Variants in ANKRD50 observed in about 807,000 individuals in gnomAD.
ANKRD50 encodes the protein ankyrin repeat domain 50.
In ANKRD50, 40 loss-of-function variants were observed where a neutral mutation model predicts 112.0. The ratio of observed to expected loss-of-function variants is 0.36; its 90% confidence interval spans 0.28 to 0.46. ANKRD50 has a LOEUF of 0.46. ANKRD50 is among the 20% of genes least tolerant of loss of function. ANKRD50 has a pLI of 1.00. For synonymous variants in ANKRD50, 613 were observed against 619.1 expected, an observed-to-expected ratio of 0.99 and a Z score of 0.15; for missense variants, 1,487 against 1,701.7, an observed-to-expected ratio of 0.87 and a Z score of 2.22.
At chr4:124,690,616 T>G (rs1305012872) in intron 2 of ANKRD50, among the ~76,000 whole-genome samples, 1 of 152,190 alleles carries the variant, frequency 6.6e-6, no homozygotes, top group Non-Finnish European at 1.5e-5. Context: ...CTTTACAAAT[T>G]AAAGTGTTAC....
intron 2 of ANKRD50, among the ~76,000 whole-genome samples, chr4:124,704,789 T>C (rs1357316489): frequency 6.6e-6 from 1 of 152,140 alleles, no homozygotes; most frequent in African/African-American, 2.4e-5. Context: ...TAACAAAAGA[T>C]ATATACATAA....
chr4:124,683,862 T>C (rs1160643929), intron 2 of ANKRD50, among the ~76,000 whole-genome samples: 2 of 150,492 alleles, frequency 1.3e-5, no homozygotes, highest in Non-Finnish European at 3.0e-5. Flanking sequence ...CATGTACAAT[T>C]TCTTTTTTTT....
At chr4:124,677,060 A>G (rs1306584815) in intron 3 of ANKRD50, among the ~76,000 whole-genome samples, 3 of 151,734 alleles carry the variant, frequency 2.0e-5, no homozygotes, top group Non-Finnish European at 4.4e-5. Context: ...TAGGAATATA[A>G]TAATATATAT....
intron 4 of ANKRD50, among the ~76,000 whole-genome samples, chr4:124,667,806 G>A (rs1730532398): frequency 1.3e-5 from 2 of 151,854 alleles, no homozygotes; most frequent in South Asian, 4.1e-4. Context: ...TTTTAAAAAC[G>A]AATTGCATTT....
chr4:124,712,049 T>A (rs1447874362), intron 1 of ANKRD50, among the ~76,000 whole-genome samples: 1 of 152,000 alleles, frequency 6.6e-6, no homozygotes, highest in Non-Finnish European at 1.5e-5. Flanking sequence ...GGCACCACCT[T>A]GGGTTGGAAC....
intron 2 of ANKRD50, among the ~76,000 whole-genome samples, chr4:124,705,002 G>C (rs772134326): frequency 1.3e-5 from 2 of 152,144 alleles, no homozygotes; most frequent in African/African-American, 2.4e-5. Context: ...GCTGAGGCAG[G>C]AGAATGGCGT....
At chr4:124,673,532 G>A (rs1730706965) in intron 3 of ANKRD50, among the ~76,000 whole-genome samples, 1 of 150,238 alleles carries the variant, frequency 6.7e-6, no homozygotes, top group Non-Finnish European at 1.5e-5. Context: ...AGTTGCAGCA[G>A]CAGCAGCAGC....
chr4:124,704,229 T>C (rs533228067), intron 2 of ANKRD50, among the ~76,000 whole-genome samples: 1 of 152,352 alleles, frequency 6.6e-6, no homozygotes, highest in South Asian at 2.1e-4. Context: ...TAGAATAATC[T>C]TTTAATTTGA....
intron 3 of ANKRD50, among the ~76,000 whole-genome samples, 163 bp downstream of exon 3, chr4:124,678,513 A>C (rs1724795382): frequency 6.6e-6 from 1 of 152,180 alleles, no homozygotes; most frequent in South Asian, 2.1e-4. Context: ...GATCTTAAAA[A>C]CATGCTAAGG....
At chr4:124,680,411 T>C (rs377077629) in intron 2 of ANKRD50, among the ~76,000 whole-genome samples, 1 of 151,950 alleles carries the variant, frequency 6.6e-6, no homozygotes, top group Non-Finnish European at 1.5e-5. Flanking sequence ...TTAAGTGCAG[T>C]AGGTAGGGAA....
In ANKRD50 at chr4:124,676,720, G is replaced by A. The variant is rs1042385751; in HGVS notation, c.742+1956C>T. Among the ~76,000 whole-genome samples the A allele has an allele frequency of 2.6e-5, 4 of 151,534 alleles. No homozygotes were observed. The South Asian group carries it at 8.3e-4, about 32-fold the overall frequency. ...AATAGTAAAGGACAATACATTAGAG[G>A]TTACAAATAATATACTTCAAAATAA... On this transcript the variant is annotated intron_variant, in intron 3 of 4. Transcript: ENST00000504087.
At position 124,667,261 on chromosome 4, in the gene ANKRD50, T is replaced by C. The variant is rs1730516492; in HGVS notation, c.*257A>G. The C allele has an allele frequency of 6.6e-6, 1 of 152,066 alleles. No homozygotes were observed. Among genetic ancestry groups the C allele is most frequent in the Non-Finnish European group, 1.5e-5 (1 of 67,966 alleles). 9.4% of individuals were successfully genotyped at this position (152,066 alleles called of 1,614,324 possible). A position where few individuals can be genotyped will look rare whatever the true frequency, so the allele number is the denominator to read the frequency against. ...TTTTATCAGGGAACTGCAGTATGTA[T>C]CTGCATTTTTAAAAAGTGCTTATTC... On this transcript the variant is annotated 3_prime_UTR_variant, in exon 5 of 5. Transcript: ENST00000504087.
At chr4:124,675,918 T>C (rs936607761) in intron 3 of ANKRD50, among the ~76,000 whole-genome samples, 2 of 151,798 alleles carry the variant, frequency 1.3e-5, no homozygotes, top group African/African-American at 2.4e-5. Context: ...CTGGTCAGTA[T>C]AGTGAATACA....
At position 124,670,916 on chromosome 4, in the gene ANKRD50, T is replaced by C. The variant is rs759509501; in HGVS notation, c.2361A>G (p.Ala787=). The C allele has an allele frequency of 6.2e-7, 1 of 1,613,898 alleles. No individual in the cohort carries two copies. The highest frequency in any genetic ancestry group is 1.7e-5 in the Admixed American group (1 of 59,972). Reference sequence around the variant, plus strand: ...CTGATGCATGACCCATAGACGCTGCTGCTAAGAGGGGTGTACGGCCATTGT... The same window carrying C: ...CTGATGCATGACCCATAGACGCTGCCGCTAAGAGGGGTGTACGGCCATTGT... ...TDNNGRTPLL[A]AASMGHASVV... Residue 787 remains alanine, a synonymous_variant, in exon 4 of 5, where the codon GCA becomes GCG. Coordinates refer to ENST00000504087, the MANE Select transcript of ANKRD50 (RefSeq NM_020337.3).
Position 124,670,206 on chromosome 4 carries a change from T to C in ANKRD50, c.3071A>G (p.His1024Arg). The change falls in exon 4 of 5, where the codon CAT (histidine) becomes CGT (arginine). Residue 1024 changes from histidine (H) to arginine (R), a missense_variant. His to Arg is a conservative substitution (Grantham distance 29). Around this residue, in one of 2 missense-constraint regions of ANKRD50, gnomAD observed 1,046 missense variants for 1,269.5 expected, o/e 0.82. Transcript: ENST00000504087. ...AATCAGAAGCTGAACCACTTTTACATGGCCCTGCCAGGCTGCAGACTGCAA... is the reference window on the plus strand; with the variant it reads ...AATCAGAAGCTGAACCACTTTTACACGGCCCTGCCAGGCTGCAGACTGCAA... ...SALQSAAWQG[H>R]VKVVQLLIEH... The C allele has an allele frequency of 6.2e-7, 1 of 1,612,944 alleles. No homozygotes were observed. Among genetic ancestry groups the C allele is most frequent in the Non-Finnish European group, 8.5e-7 (1 of 1,179,618 alleles).
At chr4:124,687,709 AATAG>A (rs1343533454) in intron 2 of ANKRD50, among the ~76,000 whole-genome samples, 1 of 152,226 alleles carries the variant, frequency 6.6e-6, no homozygotes, top group East Asian at 1.9e-4. Flanking sequence ...AGAAGATTAA[AATAG>A]ACACTTTAGA....
chr4:124,676,575 A>G (rs2110511705), intron 3 of ANKRD50, among the ~76,000 whole-genome samples: 1 of 151,818 alleles, frequency 6.6e-6, no homozygotes, highest in South Asian at 2.1e-4. Context: ...AAGGAAGTCA[A>G]TAAATTGCTG....
In ANKRD50 at chr4:124,710,712, T is replaced by G; in HGVS notation, c.-201A>C. 1 of 635,860 alleles carries G rather than the reference T, an allele frequency of 1.6e-6. No homozygotes were observed. The highest frequency in any genetic ancestry group is 1.8e-5 in the African/African-American group (1 of 54,908). The allele number at this position is 635,860 out of a possible 1,614,324, so 39.4% of individuals were successfully genotyped here. ...CCTTATTCTTGATCAGCAGTCTATG[T>G]ATTAGTTGTTGAACTGAGGGAGAAA... is the stretch of plus-strand genomic sequence containing the variant. On this transcript the variant is annotated 5_prime_UTR_variant, in exon 2 of 5. Coordinates refer to ENST00000504087, the MANE Select transcript of ANKRD50 (RefSeq NM_020337.3).
intron 2 of ANKRD50, among the ~76,000 whole-genome samples, chr4:124,690,017 C>T (rs1189796523): frequency 6.6e-6 from 1 of 152,094 alleles, no homozygotes; most frequent in African/African-American, 2.4e-5. Flanking sequence ...TCTATTCTTA[C>T]CATACTCCAA....
Sources: gnomAD v4.1 joint callset for allele counts (sites outside exome capture counted in the v4.1 genomes callset) on GRCh38, gnomAD v4.1.1 for gene constraint, gnomAD v4.1.1 regional missense constraint, MANE v1.5 for transcripts, NCBI Gene and HGNC (gene_info 2026-07-23, HGNC 2026-07-21) for gene names.